Variants in KALRN observed in about 807,000 individuals in gnomAD.
KALRN encodes the protein kalirin.
In KALRN, 70 loss-of-function variants were observed where a neutral mutation model predicts 353.7. The observed-to-expected ratio is 0.20, with a 90% CI of 0.16 to 0.24. KALRN has a LOEUF of 0.24. Among genes scored for constraint, KALRN ranks in the 10% least tolerant of loss-of-function variants. The probability of loss-of-function intolerance (pLI) is 1.00; values close to 1 mark genes in which losing one functional copy is unlikely to be tolerated. For synonymous variants in KALRN, 1,391 were observed against 1,434.8 expected (o/e 0.97, Z 0.69); for missense variants, 2,791 against 3,756.7 (o/e 0.74, Z 6.72).
chr3:124,321,937 G>A (rs1335813520), intron 6 of KALRN, among the ~76,000 whole-genome samples: 2 of 152,072 alleles, frequency 1.3e-5, no homozygotes, highest in Admixed American at 1.3e-4. Context: ...TATATAGGGG[G>A]GTTTAAATTT....
At chr3:124,340,712 T>G (rs924013690) in intron 9 of KALRN, among the ~76,000 whole-genome samples, 13 of 152,128 alleles carry the variant, frequency 8.5e-5, no homozygotes, top group African/African-American at 2.9e-4. Context: ...CCCAGCACTT[T>G]GGGAGGCAAA....
intron 34 of KALRN, among the ~76,000 whole-genome samples, chr3:124,583,652 A>T (rs949021692): frequency 6.6e-5 from 10 of 152,088 alleles, no homozygotes; most frequent in African/African-American, 2.2e-4. Context: ...AGGGAGGAGG[A>T]CTGGTTCCTC....
chr3:124,070,995 T>G (rs1172898137), intron 1 of KALRN, among the ~76,000 whole-genome samples: 2 of 152,024 alleles, frequency 1.3e-5, no homozygotes, highest in Non-Finnish European at 2.9e-5. Context: ...CCACTGTCTT[T>G]TTTTTTTGTG....
Position 124,702,034 on chromosome 3 carries a change from G to T in KALRN, c.7997-4G>T, listed in dbSNP as rs143795847. The T allele has an allele frequency of 6.2e-7, 1 of 1,611,692 alleles. No individual in the cohort carries two copies. The stretch of plus-strand genomic sequence containing the variant: ...ATTGTAAATGGATTCTCTTTCTTCC[G>T]AAGATGCTGCTGCTGATGGTGCCAC... On this transcript the variant is annotated splice_polypyrimidine_tract_variant and splice_region_variant and intron_variant, in intron 56 of 59. Transcript: ENST00000682506.
chr3:124,249,143 G>A (rs115322592), intron 3 of KALRN, among the ~76,000 whole-genome samples: 3 of 152,320 alleles, frequency 2.0e-5, no homozygotes, highest in East Asian at 1.9e-4. Flanking sequence ...CAGGACACTT[G>A]TTTAGTTCTT....
intron 34 of KALRN, among the ~76,000 whole-genome samples, chr3:124,623,240 T>C (rs1561449914): frequency 2.0e-5 from 3 of 151,730 alleles, no homozygotes; most frequent in African/African-American, 7.3e-5. Context: ...CTGCCTCGGA[T>C]TGCTGGGATT....
chr3:124,395,600 C>A, intron 12 of KALRN: 1 of 452,402 alleles, frequency 2.2e-6, no homozygotes, highest in Non-Finnish European at 3.9e-6. Context: ...AACATAAATA[C>A]AACAAAAATT....
chr3:124,346,161 A>G (rs1224325505), intron 9 of KALRN, among the ~76,000 whole-genome samples: 2 of 152,170 alleles, frequency 1.3e-5, no homozygotes, highest in African/African-American at 4.8e-5. Context: ...ACTGAGCGCC[A>G]ACTCTTCAGA....
chr3:124,667,590 C>T (rs1233901680), intron 47 of KALRN, among the ~76,000 whole-genome samples: 2 of 152,190 alleles, frequency 1.3e-5, no homozygotes, highest in East Asian at 3.9e-4. Context: ...GAGAGTTTGA[C>T]CAATCAGTTC....
chr3:124,230,045 A>G (rs2078978879), intron 2 of KALRN, among the ~76,000 whole-genome samples: 1 of 152,196 alleles, frequency 6.6e-6, no homozygotes, highest in Non-Finnish European at 1.5e-5. Flanking sequence ...TGCTAAGCAT[A>G]TGGGAAGACC....
At chr3:124,358,276 C>G (rs963945668) in intron 10 of KALRN, among the ~76,000 whole-genome samples, 2 of 152,192 alleles carry the variant, frequency 1.3e-5, no homozygotes, top group African/African-American at 2.4e-5. Context: ...TTTCCCAGCC[C>G]CACTAATTTT....
intron 1 of KALRN, among the ~76,000 whole-genome samples, chr3:124,135,569 G>T (rs1025354640): frequency 6.6e-6 from 1 of 152,176 alleles, no homozygotes; most frequent in African/African-American, 2.4e-5. Flanking sequence ...GGGTGTGGGG[G>T]TGTTAGAGGT....
chr3:124,224,900 G>A (rs1288314488), intron 1 of KALRN, among the ~76,000 whole-genome samples: 1 of 152,220 alleles, frequency 6.6e-6, no homozygotes, highest in Admixed American at 6.5e-5. Flanking sequence ...GATTGCCAGT[G>A]CTTGGTGTGA....
intron 1 of KALRN, among the ~76,000 whole-genome samples, chr3:124,181,330 G>GA (rs2073571373): frequency 6.6e-6 from 1 of 151,804 alleles, no homozygotes; most frequent in Admixed American, 6.6e-5. Flanking sequence ...AAGTTACAAT[G>GA]AAAAAAACAT....
At chr3:124,633,486 TG>T (rs1334007408) in intron 35 of KALRN, among the ~76,000 whole-genome samples, 2 of 152,256 alleles carry the variant, frequency 1.3e-5, no homozygotes, top group African/African-American at 4.8e-5. Context: ...TTTCTCCCTC[TG>T]GAAATGGCAG....
chr3:124,399,326 T>G (rs1443190900), intron 13 of KALRN, among the ~76,000 whole-genome samples: 1 of 151,938 alleles, frequency 6.6e-6, no homozygotes, highest in African/African-American at 2.4e-5. Flanking sequence ...TTAGTAGAGA[T>G]AGGGTTTCAC....
chr3:124,077,469 T>G (rs2060312874), intron 1 of KALRN, among the ~76,000 whole-genome samples: 1 of 151,996 alleles, frequency 6.6e-6, no homozygotes. Flanking sequence ...GGGCCACTCA[T>G]TCATTCCTAC....
At chr3:124,042,092 G>A (rs2040019178) in intron 1 of KALRN, among the ~76,000 whole-genome samples, 1 of 152,118 alleles carries the variant, frequency 6.6e-6, no homozygotes, top group African/African-American at 2.4e-5. Flanking sequence ...ACATAGGATG[G>A]GTATGGTTTG....
At chr3:124,219,463 G>A (rs1463466065) in intron 1 of KALRN, among the ~76,000 whole-genome samples, 2 of 152,226 alleles carry the variant, frequency 1.3e-5, no homozygotes, top group African/African-American at 4.8e-5. Flanking sequence ...TTTCTCCAGT[G>A]TAAAGGCTGC....
Sources: allele counts gnomAD v4.1 joint callset (sites outside exome capture counted in the v4.1 genomes callset), GRCh38; gene constraint gnomAD v4.1.1; transcripts MANE v1.5; gene names NCBI Gene and HGNC (gene_info 2026-07-23, HGNC 2026-07-21).